The following PAAF1 variants were observed in gnomAD, a reference collection of about 807,000 sequenced individuals.
PAAF1 encodes the protein proteasomal ATPase-associated factor 1.
A neutral mutation model predicts 52.8 loss-of-function variants in PAAF1; 46 were observed. The observed-to-expected ratio is 0.87, with a 90% CI of 0.69 to 1.11. The LOEUF (loss-of-function observed/expected upper bound fraction) is 1.11. PAAF1 is among the 50% of genes most tolerant of loss of function. The pLI is 0.00. For missense variants in PAAF1, 424 were observed against 477.4 expected (o/e 0.89, Z 1.04); for synonymous variants, 178 against 172.8 (o/e 1.03, Z -0.24).
At chr11:73,925,388 C>T (rs1359057576) in intron 11 of PAAF1, among the ~76,000 whole-genome samples, 2 of 151,368 alleles carry the variant, frequency 1.3e-5, no homozygotes, top group Admixed American at 1.3e-4. Context: ...ATTGCTTGGG[C>T]CTGGGAAGTT....
upstream of PAAF1, chr11:73,876,878 C>T (rs1948756298): frequency 3.7e-6 from 3 of 818,036 alleles, no homozygotes; most frequent in African/African-American, 1.8e-5. Context: ...AGCGTGCACA[C>T]GGAAGGGGCG....
chr11:73,896,982 A>AC (rs551564699), intron 4 of PAAF1, among the ~76,000 whole-genome samples: 9,274 of 114,150 alleles, frequency 0.081, 610 homozygotes, highest in Admixed American at 0.14. Flanking sequence ...GGGGGGGCTG[A>AC]CCCCCCCACC....
chr11:73,903,706 ACT>A (rs1949685320), intron 6 of PAAF1, among the ~76,000 whole-genome samples: 1 of 141,114 alleles, frequency 7.1e-6, no homozygotes, highest in Admixed American at 7.2e-5. Context: ...AACAAATGAA[ACT>A]CTGTCTTCAA....
chr11:73,921,775 T>C (rs1025795624), intron 10 of PAAF1: 3 of 1,202,078 alleles, frequency 2.5e-6, no homozygotes, highest in Admixed American at 3.5e-5. Flanking sequence ...CAGCCCAGTC[T>C]CTTGCCTTAG....
intron 4 of PAAF1, among the ~76,000 whole-genome samples, chr11:73,894,551 C>T (rs754783589): frequency 2.0e-5 from 3 of 151,988 alleles, no homozygotes; most frequent in Admixed American, 6.6e-5. Flanking sequence ...TTAATGGGTG[C>T]AGCACACCAG....
At chr11:73,877,284 TC>T (rs1443604393) in intron 1 of PAAF1, 3 of 403,948 alleles carry the variant, frequency 7.4e-6, no homozygotes, top group African/African-American at 6.2e-5. Context: ...AGCTGTGTGA[TC>T]CCCGCGTCAG....
At chr11:73,900,547 G>A (rs1182853177) in intron 6 of PAAF1, 127 bp downstream of exon 6, 1 of 1,082,928 alleles carries the variant, frequency 9.2e-7, no homozygotes, top group Non-Finnish European at 1.3e-6. Context: ...ATTTAGATGA[G>A]CTGCCATTTC....
In PAAF1 at chr11:73,928,156, G is replaced by A. The variant is rs1407956029; in HGVS notation, c.*794G>A. ...CTAGACCTAAATCAGAAATTCTACG[G>A]GTGCAGCCAGCAGTCTGTATTTTAA... On this transcript the variant is annotated 3_prime_UTR_variant, in exon 12 of 12. Coordinates refer to ENST00000310571, the MANE Select transcript of PAAF1 (RefSeq NM_025155.3). 2.0e-5 allele frequency: 3 copies of A among 152,198 alleles called. No individual in the cohort carries two copies. Among genetic ancestry groups the A allele is most frequent in the Admixed American group, 1.3e-4 (2 of 15,266 alleles). The allele number at this position is 152,198 out of a possible 1,614,324, so 9.4% of individuals were successfully genotyped here. A position where few individuals can be genotyped will look rare whatever the true frequency, so the allele number is the denominator to read the frequency against.
At position 73,916,562 on chromosome 11, in the gene PAAF1, C is replaced by T. The variant is rs760180623; in HGVS notation, c.837C>T (p.Gly279=). Residue 279 remains glycine (G), a synonymous_variant, in exon 9 of 12, where the codon GGC becomes GGT. Transcript: ENST00000310571. ...QSRQLVFLFI[G]SDAFNCCTFL... ...GTTCCCAGGTGTTCCTCTTTATTGG[C>T]TCAGACGCTTTCAACTGCTGTACTT... 1 of 1,613,478 alleles carries T rather than the reference C, an allele frequency of 6.2e-7. No individual in the cohort carries two copies. The highest frequency in any genetic ancestry group is 1.1e-5 in the South Asian group (1 of 90,970).
chr11:73,926,037 T>C (rs1464022686), intron 11 of PAAF1, among the ~76,000 whole-genome samples: 1 of 152,198 alleles, frequency 6.6e-6, no homozygotes, highest in Non-Finnish European at 1.5e-5. Context: ...TATATTGCCC[T>C]GTGACTTTTT....
intron 11 of PAAF1, among the ~76,000 whole-genome samples, chr11:73,926,430 G>A (rs1039364798): frequency 2.0e-5 from 3 of 152,104 alleles, no homozygotes; most frequent in Non-Finnish European, 4.4e-5. Flanking sequence ...CTTGCGTAGT[G>A]TTCCGGCCGG....
chr11:73,912,447 C>T (rs991375758), intron 7 of PAAF1, among the ~76,000 whole-genome samples: 4 of 152,200 alleles, frequency 2.6e-5, no homozygotes, highest in Admixed American at 2.6e-4. Context: ...TCTCTTTCCT[C>T]ATGTCCCACA....
intron 6 of PAAF1, among the ~76,000 whole-genome samples, chr11:73,905,133 A>C (rs1193790539): frequency 6.6e-6 from 1 of 152,210 alleles, no homozygotes; most frequent in African/African-American, 2.4e-5. Flanking sequence ...CATCTCAACA[A>C]AACAAAACAA....
intron 2 of PAAF1, among the ~76,000 whole-genome samples, chr11:73,886,672 C>CAAAAAAA (rs55697916): frequency 8.8e-5 from 3 of 34,274 alleles, no homozygotes; most frequent in Non-Finnish European, 1.3e-4. Flanking sequence ...GACTCCATCT[C>CAAAAAAA]AAAAAAAAAA....
At position 73,916,519 on chromosome 11, in the gene PAAF1, C is replaced by G. The variant is rs373259714; in HGVS notation, c.820-26C>G. The G allele has an allele frequency of 1.7e-5, 25 of 1,485,656 alleles. No individual in the cohort carries two copies. The African/African-American group carries it at 3.2e-4, about 19-fold the overall frequency. The allele number at this position is 1,485,656 out of a possible 1,614,324, so 92.0% of individuals were successfully genotyped here. A position where few individuals can be genotyped will look rare whatever the true frequency, so the allele number is the denominator to read the frequency against. On this transcript the variant is annotated intron_variant, in intron 8 of 11. Coordinates refer to ENST00000310571, the MANE Select transcript of PAAF1 (RefSeq NM_025155.3). ...TGGAAACAAATTAATCTTTAAACAG[C>G]ATTTTTGCCTCCTACTTGTTCCCAG...
At chr11:73,920,994 A>G (rs928956519) in intron 10 of PAAF1, among the ~76,000 whole-genome samples, 8 of 151,860 alleles carry the variant, frequency 5.3e-5, no homozygotes, top group African/African-American at 1.9e-4. Context: ...TCTACAGGCC[A>G]TTTTACTGAT....
intron 4 of PAAF1, 27 bp downstream of exon 4, chr11:73,891,228 A>C: frequency 7.8e-7 from 1 of 1,286,862 alleles, no homozygotes; most frequent in South Asian, 1.2e-5. Flanking sequence ...AATGAAGAGA[A>C]AATGTAATAG....
intron 7 of PAAF1, among the ~76,000 whole-genome samples, chr11:73,911,649 A>G (rs1293668756): frequency 3.5e-4 from 32 of 91,526 alleles, no homozygotes; most frequent in African/African-American, 7.1e-4. Context: ...TTTGAGATGG[A>G]GTCTCACTCT....
At chr11:73,922,816 CAAA>C (rs372724683) in intron 10 of PAAF1, among the ~76,000 whole-genome samples, 6 of 77,696 alleles carry the variant, frequency 7.7e-5, no homozygotes, top group Admixed American at 1.5e-4. Flanking sequence ...GACTCCGTCT[CAAA>C]AAAAAAAAAA....
Sources: allele counts gnomAD v4.1 joint callset (sites outside exome capture counted in the v4.1 genomes callset), GRCh38; gene constraint gnomAD v4.1.1; transcripts MANE v1.5; gene names NCBI Gene and HGNC (gene_info 2026-07-23, HGNC 2026-07-21).